TPST1: variants seen among roughly 807,000 people sequenced by gnomAD.
TPST1 encodes the protein tyrosylprotein sulfotransferase 1.
Under a neutral mutation model 34.8 loss-of-function variants are expected in TPST1, and 20 were observed. The ratio of observed to expected loss-of-function variants is 0.57; its 90% confidence interval spans 0.40 to 0.84. The LOEUF is 0.84. Among genes scored for constraint, TPST1 ranks in the 40% least tolerant of loss-of-function variants. TPST1 has a pLI of 0.00. For synonymous variants in TPST1, 152 were observed against 159.4 expected (o/e 0.95, Z 0.35); for missense variants, 353 against 455.5 (o/e 0.78, Z 2.05).
At chr7:66,201,381 C>CAAAAAAAAA (rs138553925), upstream of TPST1, among the ~76,000 whole-genome samples, 1 of 73,528 alleles carries the variant, frequency 1.4e-5, no homozygotes. Context: ...CCATCTCTAC[C>CAAAAAAAAA]AAAAAAAAAA....
At chr7:66,335,982 TCAGA>T (rs1219838018) in intron 3 of TPST1, among the ~76,000 whole-genome samples, 2 of 152,176 alleles carry the variant, frequency 1.3e-5, no homozygotes, top group African/African-American at 2.4e-5. Flanking sequence ...CTATGAAATG[TCAGA>T]CAGAGAATTC....
intron 1 of TPST1, among the ~76,000 whole-genome samples, chr7:66,222,618 G>A (rs546368722): frequency 1.0e-3 from 158 of 152,266 alleles, no homozygotes; most frequent in African/African-American, 3.7e-3. Context: ...TGACTGAGGA[G>A]ATATGTGTAA....
At chr7:66,308,145 A>AC (rs1791460071) in intron 3 of TPST1, among the ~76,000 whole-genome samples, 1 of 152,182 alleles carries the variant, frequency 6.6e-6, no homozygotes, top group South Asian at 2.1e-4. Flanking sequence ...AGCCTAAGCG[A>AC]CTTGGGCAAC....
At chr7:66,316,024 C>T (rs1276307460) in intron 3 of TPST1, among the ~76,000 whole-genome samples, 1 of 151,646 alleles carries the variant, frequency 6.6e-6, no homozygotes, top group African/African-American at 2.4e-5. Context: ...GCAGGAGAAT[C>T]GCTTGAACTC....
chr7:66,316,281 A>G (rs1455430979), intron 3 of TPST1, among the ~76,000 whole-genome samples: 1 of 152,226 alleles, frequency 6.6e-6, no homozygotes, highest in African/African-American at 2.4e-5. Context: ...AATATAATAT[A>G]GTTAAAGAAT....
intron 3 of TPST1, among the ~76,000 whole-genome samples, chr7:66,317,250 TAC>T (rs1791652709): frequency 6.6e-6 from 1 of 152,166 alleles, no homozygotes; most frequent in African/African-American, 2.4e-5. Context: ...GTGCTACCTA[TAC>T]AGTTTTGGTG....
intron 2 of TPST1, among the ~76,000 whole-genome samples, chr7:66,246,543 T>C (rs568417295): frequency 1.3e-4 from 20 of 152,338 alleles, no homozygotes; most frequent in Admixed American, 2.6e-4. Flanking sequence ...TTTGTACTTT[T>C]CTTGGAGAAT....
chr7:66,355,486 CA>C (rs1197650056), intron 4 of TPST1, among the ~76,000 whole-genome samples: 10 of 148,748 alleles, frequency 6.7e-5, no homozygotes, highest in Non-Finnish European at 1.2e-4. Flanking sequence ...AAAAAAAAAA[CA>C]AAAAACAAAC....
intron 3 of TPST1, among the ~76,000 whole-genome samples, chr7:66,329,908 G>C (rs1791963060): frequency 6.6e-6 from 1 of 152,120 alleles, no homozygotes; most frequent in East Asian, 1.9e-4. Context: ...GGTACAAATG[G>C]ACATAAAGAT....
At chr7:66,276,400 G>A (rs1790815998) in intron 2 of TPST1, among the ~76,000 whole-genome samples, 1 of 65,574 alleles carries the variant, frequency 1.5e-5, no homozygotes, top group African/African-American at 8.7e-5. Context: ...TTGAGGCAGA[G>A]CCTCACTTTG....
intron 2 of TPST1, among the ~76,000 whole-genome samples, chr7:66,249,911 C>T (rs1442620414): frequency 2.0e-5 from 3 of 152,196 alleles, no homozygotes; most frequent in African/African-American, 7.2e-5. Flanking sequence ...CTCTCCAAGG[C>T]CCCCCTCTGT....
chr7:66,342,837 A>G (rs189931481), intron 3 of TPST1, among the ~76,000 whole-genome samples: 2 of 152,312 alleles, frequency 1.3e-5, no homozygotes, highest in East Asian at 3.9e-4. Flanking sequence ...GCCATTCATG[A>G]GGGATCTGGC....
intron 1 of TPST1, among the ~76,000 whole-genome samples, chr7:66,207,244 T>C (rs1789149008): frequency 6.6e-6 from 1 of 152,242 alleles, no homozygotes; most frequent in African/African-American, 2.4e-5. Flanking sequence ...TGGCTGTTTA[T>C]GGATCTTTAC....
At chr7:66,352,585 A>G (rs762585047) in intron 4 of TPST1, 30 bp downstream of exon 4, 1 of 1,606,862 alleles carries the variant, frequency 6.2e-7, no homozygotes, top group Non-Finnish European at 8.5e-7. Context: ...CTCCTGATGT[A>G]TACTAGATTG....
intron 1 of TPST1, among the ~76,000 whole-genome samples, chr7:66,222,941 A>G (rs988840304): frequency 2.0e-5 from 3 of 151,982 alleles, no homozygotes; most frequent in Non-Finnish European, 2.9e-5. Context: ...TTTCTACTCT[A>G]ATTACTTGTG....
chr7:66,309,945 T>C (rs980041994), intron 3 of TPST1, among the ~76,000 whole-genome samples: 8 of 152,142 alleles, frequency 5.3e-5, no homozygotes, highest in Non-Finnish European at 1.5e-5. Flanking sequence ...GATTGACACT[T>C]TTGTACCACC....
Position 66,254,114 on chromosome 7 carries a change from T to G in TPST1, c.845+12844T>G, listed in dbSNP as rs113224741. 3.3e-4 allele frequency among the ~76,000 whole-genome samples: 50 copies of G among 152,086 alleles called. 4 individuals carry two copies. The highest frequency in any genetic ancestry group is 1.1e-3 in the African/African-American group (47 of 41,510). On this transcript the variant is annotated intron_variant, in intron 2 of 5. Coordinates refer to ENST00000304842, the MANE Select transcript of TPST1 (RefSeq NM_003596.4). ...AGGCTGTTTTTAAACCCTTTGGTCC[T>G]CCGTATATATTTTAAAATCAACTTG...
At chr7:66,352,796 C>T (rs1450909698) in intron 4 of TPST1, 3 of 985,306 alleles carry the variant, frequency 3.0e-6, no homozygotes, top group Admixed American at 6.1e-5. Context: ...CAGGGAAATA[C>T]TTTATTGATA....
intron 4 of TPST1, 105 bp downstream of exon 4, chr7:66,352,660 CAAAAA>C: frequency 6.5e-7 from 1 of 1,547,334 alleles, no homozygotes; most frequent in Non-Finnish European, 8.6e-7. Context: ...ACAAGAAAAC[CAAAAA>C]GAAAAGAAGA....
Sources: gnomAD v4.1 joint callset for allele counts (sites outside exome capture counted in the v4.1 genomes callset) on GRCh38, gnomAD v4.1.1 for gene constraint, MANE v1.5 for transcripts, NCBI Gene and HGNC (gene_info 2026-07-23, HGNC 2026-07-21) for gene names.